ZNF486: variants seen among roughly 807,000 people sequenced by gnomAD.
ZNF486 encodes the protein zinc finger protein 486, also known as KRAB box only protein 2.
In ZNF486, 12 loss-of-function variants were observed where a neutral mutation model predicts 12.8. The ratio of observed to expected loss-of-function variants is 0.94; its 90% CI spans 0.60 to 1.52. The LOEUF is 1.52. Ranked by LOEUF, ZNF486 falls within the 40% of genes most tolerant of loss-of-function variation. ZNF486 has a pLI of 0.00. For missense variants in ZNF486, 738 were observed against 545.0 expected (o/e 1.35, Z -3.53); for synonymous variants, 231 against 184.9 (o/e 1.25, Z -2.02).
chr19:20,178,041 G>T (rs920431974), intron 1 of ZNF486, among the ~76,000 whole-genome samples: 2 of 149,152 alleles, frequency 1.3e-5, no homozygotes, highest in Non-Finnish European at 3.0e-5. Context: ...CTCCTGCCTC[G>T]GCCCTTTGAG....
Position 20,177,532 on chromosome 19 carries a change from GCAGATGGACTATGATGCATGT to G in ZNF486, c.31-6821_31-6801del, listed in dbSNP as rs554051194. On this transcript the variant is annotated intron_variant, in intron 1 of 3. Coordinates refer to ENST00000335117, the MANE Select transcript of ZNF486 (RefSeq NM_052852.4). ...TCTTTCTGTCATTGCAGTCTCTTAAGCAGATGGACTATGATGCATGTCACATTCAAGTTTAATTGTAAAATA... is the reference window on the plus strand; with the variant it reads ...TCTTTCTGTCATTGCAGTCTCTTAAGCACATTCAAGTTTAATTGTAAAATA... Among the ~76,000 whole-genome samples, 69 of 152,290 alleles carry G rather than the reference GCAGATGGACTATGATGCATGT, an allele frequency of 4.5e-4. No individual in the cohort carries two copies. In the East Asian group the frequency reaches 0.013, roughly 28 times the overall value.
At chr19:20,187,656 C>A (rs1275081472) in intron 3 of ZNF486, among the ~76,000 whole-genome samples, 2 of 151,938 alleles carry the variant, frequency 1.3e-5, no homozygotes, top group African/African-American at 4.8e-5. Flanking sequence ...CGCCCACCAC[C>A]ACACCCGGCT....
chr19:20,181,168 A>G (rs2089780181), intron 1 of ZNF486, among the ~76,000 whole-genome samples: 1 of 152,094 alleles, frequency 6.6e-6, no homozygotes, highest in African/African-American at 2.4e-5. Flanking sequence ...ATTAGTAGAG[A>G]TCAGAGTTTT....
At position 20,197,260 on chromosome 19, in the gene ZNF486, T is replaced by G; in HGVS notation, c.550T>G (p.Tyr184Asp). 1 of 1,611,366 alleles carries G rather than the reference T, an allele frequency of 6.2e-7. No homozygotes were observed. The highest frequency in any genetic ancestry group is 8.5e-7 in the Non-Finnish European group (1 of 1,179,348). ...RRHTEKKPLK[Y>D]IEGDKAFNQS... Reference sequence around the variant, plus strand: ...ACATACTGAAAAAAAACCTTTGAAATATATAGAAGGTGACAAAGCTTTTAA... The same window carrying G: ...ACATACTGAAAAAAAACCTTTGAAAGATATAGAAGGTGACAAAGCTTTTAA... Residue 184 changes from tyrosine (Y) to aspartate (D), a missense_variant, in exon 4 of 4, where the codon TAT (tyrosine) becomes GAT (aspartate). Coordinates refer to ENST00000335117, the MANE Select transcript of ZNF486 (RefSeq NM_052852.4).
chr19:20,197,200 C>A lies in ZNF486; in HGVS notation c.490C>A (p.His164Asn). The A allele has an allele frequency of 6.2e-7, 1 of 1,612,920 alleles. No individual in the cohort carries two copies. Among genetic ancestry groups the A allele is most frequent in the Non-Finnish European group, 8.5e-7 (1 of 1,179,722 alleles). Residue 164 changes from histidine to asparagine, a missense_variant, in exon 4 of 4, where the codon CAT (histidine) becomes AAT (asparagine). By Grantham distance (68) the His-to-Asn change is moderately conservative. Transcript: ENST00000335117. Reference sequence around the variant, plus strand: ...ATGTGGTAAATATGTGAAAGTCTTTCATCAATTTTCAAATTCAAAGAGACA... The same window carrying A: ...ATGTGGTAAATATGTGAAAGTCTTTAATCAATTTTCAAATTCAAAGAGACA... ...FQCGKYVKVF[H>N]QFSNSKRHKR...
Position 20,167,269 on chromosome 19 carries a change from C to A in ZNF486, c.-62C>A. ...CCTCTTCGCTACTCTGTGTCCTCTGCTCCTAGAGGCCCACCCTCTGTGGCC... is the reference window on the plus strand; with the variant it reads ...CCTCTTCGCTACTCTGTGTCCTCTGATCCTAGAGGCCCACCCTCTGTGGCC... On this transcript the variant is annotated 5_prime_UTR_variant, in exon 1 of 4. Transcript: ENST00000335117. 6.2e-7 allele frequency: 1 copy of A among 1,604,908 alleles called. No homozygotes were observed. The highest frequency in any genetic ancestry group is 8.5e-7 in the Non-Finnish European group (1 of 1,171,622).
At chr19:20,181,692 A>G (rs1356255352) in intron 1 of ZNF486, among the ~76,000 whole-genome samples, 3 of 151,754 alleles carry the variant, frequency 2.0e-5, no homozygotes, top group African/African-American at 7.3e-5. Flanking sequence ...GTCACAGAAA[A>G]GTAAATATGA....
At chr19:20,188,654 C>CA (rs781882089) in intron 3 of ZNF486, 238 of 390,282 alleles carry the variant, frequency 6.1e-4, no homozygotes, top group East Asian at 2.4e-3. Flanking sequence ...CTCCAAAAAA[C>CA]AAAAAAAAGC....
chr19:20,178,332 C>T (rs1444106292), intron 1 of ZNF486, among the ~76,000 whole-genome samples: 1 of 152,112 alleles, frequency 6.6e-6, no homozygotes, highest in Non-Finnish European at 1.5e-5. Context: ...CAAGCTCCAC[C>T]TCCTGGGTTC....
In ZNF486 at chr19:20,187,355, C is replaced by T. The variant is rs932312379; in HGVS notation, c.253+1273C>T. ...AAACAGCGACTTTTTACTTATTTTTCTTTAATTTCAATGGATTTTTTTATT... is the reference window on the plus strand; with the variant it reads ...AAACAGCGACTTTTTACTTATTTTTTTTTAATTTCAATGGATTTTTTTATT... On this transcript the variant is annotated intron_variant, in intron 3 of 3. Transcript: ENST00000335117. Among the ~76,000 whole-genome samples, 3 of 151,950 alleles carry T rather than the reference C, an allele frequency of 2.0e-5. No individual in the cohort carries two copies. The East Asian group carries it at 5.8e-4, about 29-fold the overall frequency.
intron 3 of ZNF486, chr19:20,188,628 CAG>C: frequency 7.6e-6 from 3 of 395,556 alleles, no homozygotes; most frequent in East Asian, 3.6e-5. Context: ...GCTTGAATGA[CAG>C]AGTGAGACCC....
At chr19:20,181,244 G>T (rs1451703550) in intron 1 of ZNF486, among the ~76,000 whole-genome samples, 1 of 151,440 alleles carries the variant, frequency 6.6e-6, no homozygotes, top group East Asian at 2.0e-4. Flanking sequence ...AAAAGCAGAT[G>T]AAAGGGAAAA....
intron 3 of ZNF486, among the ~76,000 whole-genome samples, chr19:20,187,792 C>T (rs1216057458): frequency 2.6e-5 from 4 of 152,144 alleles, no homozygotes; most frequent in African/African-American, 9.6e-5. Flanking sequence ...TGTGAGCCAC[C>T]ACGCCTGGCC....
chr19:20,194,813 T>C (rs1030859461), intron 3 of ZNF486, among the ~76,000 whole-genome samples: 31 of 152,296 alleles, frequency 2.0e-4, no homozygotes, highest in African/African-American at 6.7e-4. Flanking sequence ...AAAATTCTAT[T>C]CTTATATGTG....
In ZNF486 at chr19:20,197,231, G is replaced by T. The variant is rs782596482; in HGVS notation, c.521G>T (p.Arg174Ile). 1 of 1,612,504 alleles carries T rather than the reference G, an allele frequency of 6.2e-7. No individual in the cohort carries two copies. The part of the protein sequence containing the change: ...HQFSNSKRHK[R>I]RHTEKKPLKY... ...TTTTCAAATTCAAAGAGACATAAAA[G>T]AAGACATACTGAAAAAAAACCTTTG... Residue 174 changes from arginine (R) to isoleucine (I), a missense_variant, in exon 4 of 4, where the codon AGA becomes ATA. By Grantham distance (97) the Arg-to-Ile change is moderately conservative. Coordinates refer to ENST00000335117, the MANE Select transcript of ZNF486 (RefSeq NM_052852.4).
chr19:20,193,457 C>G (rs537986952), intron 3 of ZNF486, among the ~76,000 whole-genome samples: 1 of 151,794 alleles, frequency 6.6e-6, no homozygotes, highest in Non-Finnish European at 1.5e-5. Context: ...GTCAGGAGTT[C>G]GAGAGCAGCC....
At chr19:20,172,341 T>C (rs957796837) in intron 1 of ZNF486, among the ~76,000 whole-genome samples, 29 of 151,994 alleles carry the variant, frequency 1.9e-4, no homozygotes, top group Middle Eastern at 3.4e-3. Flanking sequence ...GTTTTGCTCT[T>C]GTTGCCCAGA....
In ZNF486 at chr19:20,186,020, G is replaced by C. The variant is rs782815790; in HGVS notation, c.191G>C (p.Cys64Ser). ...IIVSKPDLIT[C>S]LEQGIKPLTM... Reference sequence around the variant, plus strand: ...GTCTCTAAGCCAGACCTGATCACCTGTCTGGAGCAAGGAATAAAACCTCTG... The same window carrying C: ...GTCTCTAAGCCAGACCTGATCACCTCTCTGGAGCAAGGAATAAAACCTCTG... Residue 64 changes from cysteine (C) to serine (S), a missense_variant, in exon 3 of 4, where the codon TGT (cysteine) becomes TCT (serine). By Grantham distance (112) the Cys-to-Ser change is moderately radical (BLOSUM62 -1). Coordinates refer to ENST00000335117, the MANE Select transcript of ZNF486 (RefSeq NM_052852.4). 17 of 1,590,028 alleles carry C rather than the reference G, an allele frequency of 1.1e-5. No homozygotes were observed. Among genetic ancestry groups the C allele is most frequent in the Non-Finnish European group, 1.3e-5 (15 of 1,170,282 alleles).
In ZNF486 at chr19:20,181,493, C is replaced by T. The variant is rs560908114; in HGVS notation, c.31-2863C>T. ...GGCGGAGCTTGCAGTGAGCCCAGATCGCGCCACTGCACTCCAGCCTGGGTG... is the reference window on the plus strand; with the variant it reads ...GGCGGAGCTTGCAGTGAGCCCAGATTGCGCCACTGCACTCCAGCCTGGGTG... On this transcript the variant is annotated intron_variant, in intron 1 of 3. Coordinates refer to ENST00000335117, the MANE Select transcript of ZNF486 (RefSeq NM_052852.4). Among the ~76,000 whole-genome samples, 305 of 149,866 alleles carry T rather than the reference C, an allele frequency of 2.0e-3. 1 individual carries two copies. In the Middle Eastern group the frequency reaches 0.021, roughly 10 times the overall value.
Sources: gnomAD v4.1 joint callset for allele counts (sites outside exome capture counted in the v4.1 genomes callset) on GRCh38, gnomAD v4.1.1 for gene constraint, MANE v1.5 for transcripts, NCBI Gene and HGNC (gene_info 2026-07-23, HGNC 2026-07-21) for gene names.